The following CNTN5 variants were observed in gnomAD, a reference collection of about 807,000 sequenced individuals.
CNTN5 encodes contactin-5.
A neutral mutation model predicts 129.1 loss-of-function variants in CNTN5; 77 were observed. The observed-to-expected ratio is 0.60, with a 90% CI of 0.50 to 0.72. The LOEUF (loss-of-function observed/expected upper bound fraction) is 0.72, where lower values mean the gene tolerates loss of function less well. CNTN5 is among the 30% of genes least tolerant of loss of function. The pLI, the probability that CNTN5 is intolerant of heterozygous loss-of-function variation, is 0.00. For missense variants in CNTN5, 1,478 were observed against 1,328.8 expected (o/e 1.11, Z -1.75); for synonymous variants, 509 against 465.6 (o/e 1.09, Z -1.20).
chr11:100,289,125 C>A (rs1276535654), intron 18 of CNTN5, among the ~76,000 whole-genome samples: 2 of 151,868 alleles, frequency 1.3e-5, no homozygotes, highest in African/African-American at 4.8e-5. Flanking sequence ...CAATAGTTTA[C>A]CAACCAAAAA....
chr11:99,372,919 A>G (rs1939914099), intron 2 of CNTN5, among the ~76,000 whole-genome samples: 1 of 152,226 alleles, frequency 6.6e-6, no homozygotes, highest in Non-Finnish European at 1.5e-5. Context: ...ATAAAAATTG[A>G]CAATGAGGGC....
At chr11:99,577,738 T>C (rs1455173069) in intron 3 of CNTN5, among the ~76,000 whole-genome samples, 1 of 152,084 alleles carries the variant, frequency 6.6e-6, no homozygotes, top group Non-Finnish European at 1.5e-5. Flanking sequence ...GGACAGTTCT[T>C]TAGTTATTGC....
At chr11:99,030,128 AC>A (rs1016001878) in intron 1 of CNTN5, among the ~76,000 whole-genome samples, 1 of 152,118 alleles carries the variant, frequency 6.6e-6, no homozygotes, top group Non-Finnish European at 1.5e-5. Context: ...CCTGAGCAAC[AC>A]CATAACCTTT....
rs1200794910 is a variant in CNTN5 at position 99,998,343 on chromosome 11, C to T, written c.878-3691C>T. On this transcript the variant is annotated intron_variant, in intron 8 of 24. Transcript: ENST00000524871. ...AAAATCAATGTACAAAAATCACAAG[C>T]ATTCTTCTACACCAATAACAGACAA... is the stretch of plus-strand genomic sequence containing the variant. Among the ~76,000 whole-genome samples, 3 of 148,684 alleles carry T rather than the reference C, an allele frequency of 2.0e-5. No individual in the cohort carries two copies. The Admixed American group carries it at 2.1e-4, about 10-fold the overall frequency.
intron 13 of CNTN5, among the ~76,000 whole-genome samples, chr11:100,165,420 G>C (rs1261384402): frequency 6.8e-6 from 1 of 147,342 alleles, no homozygotes; most frequent in Non-Finnish European, 1.5e-5. Context: ...AGGTCACAGG[G>C]TTATTGTGTC....
intron 1 of CNTN5, among the ~76,000 whole-genome samples, chr11:99,203,638 G>A (rs1859329727): frequency 6.6e-6 from 1 of 151,876 alleles, no homozygotes; most frequent in African/African-American, 2.4e-5. Flanking sequence ...CTCCAAGGTT[G>A]GAGTGCAATG....
At chr11:99,334,641 T>C (rs1295442041) in intron 2 of CNTN5, among the ~76,000 whole-genome samples, 1 of 152,106 alleles carries the variant, frequency 6.6e-6, no homozygotes, top group South Asian at 2.1e-4. Flanking sequence ...ACTAGCCACA[T>C]GTGGCTATTG....
intron 2 of CNTN5, among the ~76,000 whole-genome samples, chr11:99,488,925 G>A (rs1945925828): frequency 7.0e-6 from 1 of 143,006 alleles, no homozygotes; most frequent in Admixed American, 7.5e-5. Flanking sequence ...AGCATGAAAA[G>A]CAAACAGAAA....
intron 16 of CNTN5, among the ~76,000 whole-genome samples, chr11:100,226,164 A>G (rs1360199377): frequency 2.0e-5 from 3 of 152,008 alleles, no homozygotes; most frequent in African/African-American, 7.2e-5. Flanking sequence ...TTTAGCTAAA[A>G]ATTTCTCTTT....
chr11:99,300,512 G>A (rs1461873013), intron 1 of CNTN5, among the ~76,000 whole-genome samples: 3 of 151,942 alleles, frequency 2.0e-5, no homozygotes, highest in Non-Finnish European at 4.4e-5. Flanking sequence ...GTTGAATTTA[G>A]TTTGCTTGTA....
At chr11:100,187,324 C>T (rs1229675156) in intron 13 of CNTN5, among the ~76,000 whole-genome samples, 1 of 151,756 alleles carries the variant, frequency 6.6e-6, no homozygotes, top group African/African-American at 2.4e-5. Context: ...ATCAGATTGT[C>T]AGCAAAGCTG....
intron 6 of CNTN5, among the ~76,000 whole-genome samples, chr11:99,846,542 A>T (rs2135705286): frequency 6.6e-6 from 1 of 152,164 alleles, no homozygotes; most frequent in Middle Eastern, 3.4e-3. Context: ...TCTTGAGGAT[A>T]GAATCTCTAA....
chr11:100,036,637 AT>A (rs1183618462), intron 9 of CNTN5, among the ~76,000 whole-genome samples: 1 of 149,858 alleles, frequency 6.7e-6, no homozygotes, highest in African/African-American at 2.4e-5. Flanking sequence ...ATCCTCTTTT[AT>A]TTCATTGAGC....
At chr11:99,553,465 T>C (rs1948560593) in intron 2 of CNTN5, among the ~76,000 whole-genome samples, 1 of 152,052 alleles carries the variant, frequency 6.6e-6, no homozygotes, top group African/African-American at 2.4e-5. Context: ...CGGATAACTA[T>C]GTTTTCAAAA....
At chr11:100,071,861 GA>G (rs575164630) in intron 12 of CNTN5, 27 bp downstream of exon 12, 1,116 of 1,420,220 alleles carry the variant, frequency 7.9e-4, no homozygotes, top group African/African-American at 3.1e-3. Flanking sequence ...TGAATAAATT[GA>G]AAAAAAAAAC....
chr11:99,207,598 A>G (rs1264160400), intron 1 of CNTN5, among the ~76,000 whole-genome samples: 2 of 152,168 alleles, frequency 1.3e-5, no homozygotes, highest in African/African-American at 4.8e-5. Context: ...TATGTTTTAT[A>G]GTAGATGGAT....
chr11:100,227,630 T>C (rs922225543), intron 16 of CNTN5, among the ~76,000 whole-genome samples: 11 of 152,300 alleles, frequency 7.2e-5, no homozygotes, highest in African/African-American at 2.6e-4. Context: ...TGAACCAGCA[T>C]TATCACAGCA....
intron 1 of CNTN5, among the ~76,000 whole-genome samples, chr11:99,272,910 A>C (rs1437810235): frequency 1.3e-5 from 2 of 151,914 alleles, no homozygotes; most frequent in African/African-American, 4.8e-5. Context: ...TTTAAAGAAA[A>C]TACTCCTTAT....
chr11:99,058,460 GTA>G (rs1298562745), intron 1 of CNTN5, among the ~76,000 whole-genome samples: 5 of 151,448 alleles, frequency 3.3e-5, no homozygotes, highest in African/African-American at 9.7e-5. Flanking sequence ...ATATATATGT[GTA>G]TATATATATA....
Sources: gnomAD v4.1 joint callset for allele counts (sites outside exome capture counted in the v4.1 genomes callset) on GRCh38, gnomAD v4.1.1 for gene constraint, MANE v1.5 for transcripts, NCBI Gene and HGNC (gene_info 2026-07-23, HGNC 2026-07-21) for gene names.